Variants in HERC4 observed in about 807,000 individuals in gnomAD.
HERC4 encodes the protein HECT and RLD domain containing E3 ubiquitin protein ligase 4.
HERC4 carries 28 observed loss-of-function variants against 124.3 expected under a neutral mutation model. That is an observed-to-expected ratio of 0.23 (90% CI 0.17 to 0.31). The LOEUF is 0.31. HERC4 is among the 10% of genes least tolerant of loss of function. The pLI is 1.00. For synonymous variants in HERC4, 407 were observed against 421.5 expected, an observed-to-expected ratio of 0.97 and a Z score of 0.42; for missense variants, 713 against 1,229.3, an observed-to-expected ratio of 0.58 and a Z score of 6.28.
intron 15 of HERC4, among the ~76,000 whole-genome samples, chr10:67,967,054 T>C (rs566192): frequency 0.76 from 115,690 of 152,066 alleles, 45,343 homozygotes; most frequent in Non-Finnish European, 0.81. Flanking sequence ...CGGAGTTTCA[T>C]CGTGTTAGCC....
At chr10:67,939,999 T>C (rs1349647149) in intron 20 of HERC4, among the ~76,000 whole-genome samples, 1 of 152,152 alleles carries the variant, frequency 6.6e-6, no homozygotes, top group Non-Finnish European at 1.5e-5. Flanking sequence ...TGATTTTGGC[T>C]CACTGCAACC....
At chr10:68,059,540 ATT>A (rs1178793007) in intron 3 of HERC4, among the ~76,000 whole-genome samples, 15 of 111,434 alleles carry the variant, frequency 1.3e-4, no homozygotes, top group South Asian at 1.0e-3. Context: ...TATATATCAT[ATT>A]ATATATCATA....
chr10:67,987,761 C>T (rs933598142), intron 15 of HERC4, among the ~76,000 whole-genome samples: 1 of 151,948 alleles, frequency 6.6e-6, no homozygotes, highest in African/African-American at 2.4e-5. Flanking sequence ...GAAAAATACC[C>T]AGGAGCTTCA....
intron 9 of HERC4, among the ~76,000 whole-genome samples, chr10:67,997,373 T>C (rs2036949797): frequency 6.6e-6 from 1 of 152,236 alleles, no homozygotes; most frequent in African/African-American, 2.4e-5. Flanking sequence ...GAACAAAGGC[T>C]CCTGACTTAC....
intron 3 of HERC4, among the ~76,000 whole-genome samples, chr10:68,063,823 C>T (rs2041157674): frequency 6.6e-6 from 1 of 151,788 alleles, no homozygotes; most frequent in Non-Finnish European, 1.5e-5. Flanking sequence ...TCTGTAATCC[C>T]AGCTACTCAG....
At chr10:67,957,376 T>G (rs2034207867) in intron 16 of HERC4, among the ~76,000 whole-genome samples, 1 of 152,200 alleles carries the variant, frequency 6.6e-6, no homozygotes, top group East Asian at 1.9e-4. Flanking sequence ...TGTCTATTCC[T>G]TCATTTAACA....
Position 68,010,245 on chromosome 10 carries a change from CAG to C in HERC4, c.1069+3779_1069+3780del, listed in dbSNP as rs540280651. 1.1e-4 allele frequency: 112 copies of C among 1,044,214 alleles called. No individual in the cohort carries two copies. The African/African-American group carries it at 1.1e-3, about 11-fold the overall frequency. The allele number at this position is 1,044,214 out of a possible 1,614,324, so 64.7% of individuals were successfully genotyped here. A position where few individuals can be genotyped will look rare whatever the true frequency, so the allele number is the denominator to read the frequency against. Reference sequence around the variant, plus strand: ...GGAGAGCCCAGAGTGGCGACAGAAACAGGGGGAAAGGCACTAAGGAACACAGT... The same window carrying C: ...GGAGAGCCCAGAGTGGCGACAGAAACGGGGAAAGGCACTAAGGAACACAGT... On this transcript the variant is annotated intron_variant, in intron 9 of 24. Transcript: ENST00000373700.
At chr10:67,927,412 A>T (rs1423549279) in intron 23 of HERC4, among the ~76,000 whole-genome samples, 4 of 9,020 alleles carry the variant, frequency 4.4e-4, no homozygotes, top group African/African-American at 7.4e-4. Flanking sequence ...ATATATATAT[A>T]TATATATATA....
At chr10:67,942,695 G>A (rs901140910) in intron 19 of HERC4, among the ~76,000 whole-genome samples, 1 of 152,030 alleles carries the variant, frequency 6.6e-6, no homozygotes, top group African/African-American at 2.4e-5. Flanking sequence ...ATTTTCAGTA[G>A]AAATGGGGTT....
chr10:68,042,684 T>C (rs930175891), intron 4 of HERC4, among the ~76,000 whole-genome samples: 1 of 152,180 alleles, frequency 6.6e-6, no homozygotes, highest in Non-Finnish European at 1.5e-5. Flanking sequence ...ATAGATACTA[T>C]ATGTAAAATT....
chr10:67,934,227 T>C (rs556965212), intron 22 of HERC4, among the ~76,000 whole-genome samples: 87 of 152,324 alleles, frequency 5.7e-4, no homozygotes, highest in Non-Finnish European at 1.1e-3. Flanking sequence ...TGGTTCAATA[T>C]TTGTTAACAT....
At chr10:67,977,364 A>G (rs898622363) in intron 15 of HERC4, among the ~76,000 whole-genome samples, 3 of 152,164 alleles carry the variant, frequency 2.0e-5, no homozygotes, top group South Asian at 4.1e-4. Flanking sequence ...AGCTTTCATT[A>G]TCTGTTAACT....
intron 9 of HERC4, among the ~76,000 whole-genome samples, chr10:68,012,355 T>C (rs1178360003): frequency 6.6e-6 from 1 of 152,262 alleles, no homozygotes; most frequent in African/African-American, 2.4e-5. Context: ...CCTTCTTCAC[T>C]AAGCATAATC....
chr10:67,929,793 G>A (rs1460954495), intron 23 of HERC4, among the ~76,000 whole-genome samples: 3 of 151,574 alleles, frequency 2.0e-5, no homozygotes, highest in African/African-American at 7.3e-5. Flanking sequence ...AGGATTAGAG[G>A]TGTGAGACAC....
intron 9 of HERC4, among the ~76,000 whole-genome samples, chr10:68,005,081 A>T (rs1009991793): frequency 6.6e-6 from 1 of 152,146 alleles, no homozygotes; most frequent in Non-Finnish European, 1.5e-5. Flanking sequence ...TACTGTACAT[A>T]TATGAATTTA....
At chr10:68,058,427 C>T (rs1237211183) in intron 3 of HERC4, among the ~76,000 whole-genome samples, 2 of 152,144 alleles carry the variant, frequency 1.3e-5, no homozygotes, top group African/African-American at 4.8e-5. Flanking sequence ...AGTTTCCCTA[C>T]AGGACAATAT....
chr10:67,951,562 A>C (rs1376248134), intron 19 of HERC4, among the ~76,000 whole-genome samples: 1 of 152,086 alleles, frequency 6.6e-6, no homozygotes, highest in African/African-American at 2.4e-5. Context: ...CCTAAACTCC[A>C]AATTTTTTCC....
intron 8 of HERC4, among the ~76,000 whole-genome samples, chr10:68,015,438 G>A (rs538061299): frequency 9.8e-5 from 15 of 152,326 alleles, no homozygotes; most frequent in Admixed American, 2.6e-4. Flanking sequence ...GAGTCGTTCT[G>A]TTTAGCGACA....
chr10:67,943,771 GTTACAACCTTTC>G (rs1345381285), intron 19 of HERC4, among the ~76,000 whole-genome samples: 3 of 152,288 alleles, frequency 2.0e-5, no homozygotes, highest in South Asian at 4.1e-4. Context: ...GACACCCAGG[GTTACAACCTTTC>G]TTGAAAACCC....
Sources: allele counts gnomAD v4.1 joint callset (sites outside exome capture counted in the v4.1 genomes callset), GRCh38; gene constraint gnomAD v4.1.1; transcripts MANE v1.5; gene names NCBI Gene and HGNC (gene_info 2026-07-23, HGNC 2026-07-21).